GNAO1: variants seen among roughly 807,000 people sequenced by gnomAD.
The protein encoded by GNAO1 is guanine nucleotide-binding protein G(o) subunit alpha.
For missense variants in GNAO1, 166 were observed against 478.7 expected (o/e 0.35, Z 6.10); for synonymous variants, 164 against 180.7 (o/e 0.91, Z 0.74).
In GNAO1 at chr16:56,311,673, G is replaced by C. The variant is rs186223340; in HGVS notation, c.304-16958G>C. 1.6e-4 allele frequency among the ~76,000 whole-genome samples: 25 copies of C among 152,180 alleles called. No individual in the cohort carries two copies. The East Asian group carries it at 4.7e-3, about 28-fold the overall frequency. ...TTGGCAGATGAGTCCCCGGAGGCTT[G>C]GCTCAGCCCCTGACCCCCTGTACCC... On this transcript the variant is annotated intron_variant, in intron 3 of 8. Transcript: ENST00000262493. The surrounding 1 kb of genome is among the most constrained non-coding windows in gnomAD (Gnocchi z 5.2).
chr16:56,202,090 G>C (rs762506797), intron 2 of GNAO1, among the ~76,000 whole-genome samples: 1 of 152,122 alleles, frequency 6.6e-6, no homozygotes, highest in Non-Finnish European at 1.5e-5. Context: ...AGAGGAACCT[G>C]TGAGGGAAAC....
chr16:56,199,611 G>A (rs2036263896), intron 2 of GNAO1, among the ~76,000 whole-genome samples: 1 of 152,142 alleles, frequency 6.6e-6, no homozygotes, highest in African/African-American at 2.4e-5. Context: ...TTTAACTTTG[G>A]GCAGATCATT....
chr16:56,291,643 C>A (rs1323467460), intron 3 of GNAO1, among the ~76,000 whole-genome samples: 1 of 152,176 alleles, frequency 6.6e-6, no homozygotes, highest in Non-Finnish European at 1.5e-5. Flanking sequence ...TCCCCCAGAC[C>A]TACTCATCTG....
At chr16:56,221,233 A>T (rs1029899157) in intron 2 of GNAO1, among the ~76,000 whole-genome samples, 3 of 149,918 alleles carry the variant, frequency 2.0e-5, no homozygotes, top group African/African-American at 7.5e-5. Flanking sequence ...TTCTTTATAA[A>T]TGCCTAATCT....
chr16:56,208,278 A>G (rs2036349013), intron 2 of GNAO1, among the ~76,000 whole-genome samples: 1 of 152,068 alleles, frequency 6.6e-6, no homozygotes, highest in Non-Finnish European at 1.5e-5. Flanking sequence ...TATGCTATAT[A>G]TTATTCTTCA....
intron 2 of GNAO1, among the ~76,000 whole-genome samples, chr16:56,260,704 T>C (rs1036615824): frequency 1.1e-3 from 22 of 20,032 alleles, no homozygotes; most frequent in Admixed American, 6.7e-3. Context: ...TGTGGACTCT[T>C]TTTTTGGGGG....
At chr16:56,272,137 G>A (rs1330457438) in intron 2 of GNAO1, among the ~76,000 whole-genome samples, 9 of 151,984 alleles carry the variant, frequency 5.9e-5, no homozygotes, top group African/African-American at 1.2e-4. Flanking sequence ...GTGAAACCCC[G>A]TCTCTACTAA....
intron 6 of GNAO1, among the ~76,000 whole-genome samples, chr16:56,341,649 TG>T (rs1474477064): frequency 5.3e-5 from 8 of 152,146 alleles, no homozygotes; most frequent in African/African-American, 1.9e-4. Context: ...TATAGGGTGC[TG>T]GGGATGAGAG....
At chr16:56,310,162 A>G (rs1436028943) in intron 3 of GNAO1, among the ~76,000 whole-genome samples, 1 of 145,256 alleles carries the variant, frequency 6.9e-6, no homozygotes. Flanking sequence ...AAAAAGAAAG[A>G]AAAAAAAAAG....
intron 3 of GNAO1, among the ~76,000 whole-genome samples, chr16:56,322,891 C>T (rs1301471043): frequency 1.3e-5 from 2 of 152,156 alleles, no homozygotes; most frequent in African/African-American, 4.8e-5. Flanking sequence ...AGGATCCATA[C>T]ATCCTGCAGA....
intron 2 of GNAO1, among the ~76,000 whole-genome samples, chr16:56,262,656 G>A (rs773467283): frequency 2.0e-5 from 3 of 152,120 alleles, no homozygotes; most frequent in Non-Finnish European, 2.9e-5. Flanking sequence ...CCAATGTACA[G>A]TATTGTTTAT....
At chr16:56,221,651 C>CAAAAAAA (rs11306838) in intron 2 of GNAO1, among the ~76,000 whole-genome samples, 2 of 83,858 alleles carry the variant, frequency 2.4e-5, no homozygotes, top group Non-Finnish European at 4.8e-5. Context: ...GACTGCATCT[C>CAAAAAAA]AAAAAAAAAA....
chr16:56,289,515 G>C (rs1408262622), intron 3 of GNAO1, among the ~76,000 whole-genome samples: 2 of 152,210 alleles, frequency 1.3e-5, no homozygotes, highest in Non-Finnish European at 2.9e-5. Flanking sequence ...TGCAGCATCT[G>C]TGTCAAGGGT....
intron 2 of GNAO1, among the ~76,000 whole-genome samples, chr16:56,228,798 C>T (rs1052661869): frequency 6.6e-6 from 1 of 152,220 alleles, no homozygotes; most frequent in Non-Finnish European, 1.5e-5. Flanking sequence ...TAAGACCACC[C>T]TATGTAAATT....
At chr16:56,331,624 G>A (rs2037689436) in intron 4 of GNAO1, among the ~76,000 whole-genome samples, 1 of 152,054 alleles carries the variant, frequency 6.6e-6, no homozygotes, top group Admixed American at 6.5e-5. Flanking sequence ...GATGCCTCCT[G>A]CCCACCCACC....
intron 6 of GNAO1, chr16:56,348,076 A>C: frequency 1.0e-6 from 1 of 979,898 alleles, no homozygotes; most frequent in Non-Finnish European, 1.2e-6. Flanking sequence ...CCCCATATTA[A>C]CTGTAATTTT....
chr16:56,323,884 G>A (rs578176756), intron 3 of GNAO1, among the ~76,000 whole-genome samples: 2 of 152,304 alleles, frequency 1.3e-5, no homozygotes, highest in Non-Finnish European at 2.9e-5. Context: ...ATGAGGAGGA[G>A]CAGACAGCTG....
chr16:56,286,296 G>T (rs2037166465), intron 3 of GNAO1, among the ~76,000 whole-genome samples: 1 of 152,162 alleles, frequency 6.6e-6, no homozygotes. Context: ...CACTGCTGAA[G>T]CCCCCACTCT....
chr16:56,322,299 T>G (rs1231263975), intron 3 of GNAO1, among the ~76,000 whole-genome samples: 2 of 152,172 alleles, frequency 1.3e-5, no homozygotes, highest in Non-Finnish European at 2.9e-5. Flanking sequence ...TCATATGGCC[T>G]GGGCACCCAG....
Sources: allele counts gnomAD v4.1 joint callset (sites outside exome capture counted in the v4.1 genomes callset), GRCh38; gene constraint gnomAD v4.1.1; non-coding constraint Gnocchi (gnomAD v3.1); transcripts MANE v1.5; gene names NCBI Gene and HGNC (gene_info 2026-07-23, HGNC 2026-07-21).